Variants in FCF1 observed in about 807,000 individuals in gnomAD.
The protein encoded by FCF1 is rRNA-processing protein FCF1 homolog.
A neutral mutation model predicts 32.5 loss-of-function variants in FCF1; 17 were observed. The observed-to-expected ratio is 0.52, with a 90% CI of 0.36 to 0.78. FCF1 has a LOEUF of 0.78. Ranked by LOEUF, FCF1 falls within the 30% of genes least tolerant of loss-of-function variation. The probability of loss-of-function intolerance (pLI) is 0.00; values close to 1 mark genes in which losing one functional copy is unlikely to be tolerated. For synonymous variants in FCF1, 84 were observed against 78.4 expected (o/e 1.07, Z -0.38); for missense variants, 201 against 241.1 (o/e 0.83, Z 1.10).
At chr14:74,725,222 G>A (rs2090560057) in intron 5 of FCF1, among the ~76,000 whole-genome samples, 1 of 152,022 alleles carries the variant, frequency 6.6e-6, no homozygotes, top group Non-Finnish European at 1.5e-5. Context: ...CAGGCATGGT[G>A]GCTCATGCCT....
At position 74,736,734 on chromosome 14, in the gene FCF1, C is replaced by T. The variant is rs1219885779; in HGVS notation, c.*1804C>T. 6.6e-6 allele frequency: 1 copy of T among 152,072 alleles called. No individual in the cohort carries two copies. Among genetic ancestry groups the T allele is most frequent in the African/African-American group, 2.4e-5 (1 of 41,392 alleles). The allele number at this position is 152,072 out of a possible 1,614,324, so 9.4% of individuals were successfully genotyped here. A position where few individuals can be genotyped will look rare whatever the true frequency, so the allele number is the denominator to read the frequency against. ...TAGAAATCAGATATTCTGATGATTG[C>T]TCACATAATTTGGCGGTCATTGTTT... On this transcript the variant is annotated 3_prime_UTR_variant, in exon 8 of 8. Transcript: ENST00000341162.
chr14:74,733,543 C>A (rs957737534), intron 6 of FCF1, among the ~76,000 whole-genome samples: 1 of 152,148 alleles, frequency 6.6e-6, no homozygotes, highest in South Asian at 2.1e-4. Context: ...TTTCACCTGA[C>A]AGCTAAATAT....
intron 4 of FCF1, among the ~76,000 whole-genome samples, chr14:74,721,491 A>T (rs1264735217): frequency 4.6e-5 from 7 of 152,206 alleles, no homozygotes; most frequent in African/African-American, 1.7e-4. Context: ...GCTTCAGGTC[A>T]GGAGTTCGAA....
At chr14:74,726,763 C>CA (rs1472885861) in intron 5 of FCF1, among the ~76,000 whole-genome samples, 4 of 151,920 alleles carry the variant, frequency 2.6e-5, no homozygotes, top group African/African-American at 9.7e-5. Flanking sequence ...CTCCTCCCCC[C>CA]ACCCCACAAC....
chr14:74,717,098 G>A (rs903481482), intron 4 of FCF1, among the ~76,000 whole-genome samples: 3 of 152,254 alleles, frequency 2.0e-5, no homozygotes, highest in South Asian at 4.1e-4. Flanking sequence ...GGTGGCTCAC[G>A]CCTGTAATGC....
At position 74,716,085 on chromosome 14, in the gene FCF1, G is replaced by C; in HGVS notation, c.278G>C (p.Cys93Ser). 6.2e-7 allele frequency: 1 copy of C among 1,613,810 alleles called. No homozygotes were observed. The highest frequency in any genetic ancestry group is 8.5e-7 in the Non-Finnish European group (1 of 1,179,772). ...GACTTAGTGCAGTCAATGATGGACT[G>C]TCTGTATGCCAAGTGTGAGTATCAT... ...KLDLVQSMMDCLYAKCIPCIT... is the reference protein window; with the variant it reads ...KLDLVQSMMDSLYAKCIPCIT... Residue 93 changes from cysteine (C) to serine (S), a missense_variant, in exon 4 of 8, where the codon TGT becomes TCT. Transcript: ENST00000341162.
intron 4 of FCF1, among the ~76,000 whole-genome samples, chr14:74,721,614 T>C (rs1469771016): frequency 6.6e-6 from 1 of 151,962 alleles, no homozygotes; most frequent in African/African-American, 2.4e-5. Context: ...GGCAGGAGAA[T>C]CGCTTGAACC....
chr14:74,716,195 G>T, intron 4 of FCF1, 96 bp downstream of exon 4: 1 of 1,193,364 alleles, frequency 8.4e-7, no homozygotes, highest in South Asian at 1.4e-5. Flanking sequence ...CTTGTTAACT[G>T]AATTGCTGGC....
At chr14:74,713,301 A>G (rs540790044) in intron 1 of FCF1, 101 bp downstream of exon 1, 1 of 1,612,236 alleles carries the variant, frequency 6.2e-7, no homozygotes, top group Non-Finnish European at 8.5e-7. Flanking sequence ...TTATCCTAGC[A>G]TATTTTCATT....
chr14:74,727,103 GT>G (rs2090586587), intron 5 of FCF1, among the ~76,000 whole-genome samples: 1 of 152,098 alleles, frequency 6.6e-6, no homozygotes, highest in African/African-American at 2.4e-5. Context: ...ATGATTTATA[GT>G]CCTTTGGGTA....
intron 2 of FCF1, among the ~76,000 whole-genome samples, chr14:74,714,534 A>G (rs1449454369): frequency 1.3e-5 from 2 of 152,236 alleles, no homozygotes; most frequent in African/African-American, 4.8e-5. Flanking sequence ...TCAGAAGATA[A>G]CTGTCACCCT....
chr14:74,732,964 A>C (rs2090657975), intron 6 of FCF1, 146 bp downstream of exon 6: 1 of 567,546 alleles, frequency 1.8e-6, no homozygotes, highest in African/African-American at 1.9e-5. Context: ...CCTTCATAAG[A>C]AGCATAGGTG....
At chr14:74,716,223 T>G in intron 4 of FCF1, 124 bp downstream of exon 4, 3 of 925,668 alleles carry the variant, frequency 3.2e-6, no homozygotes, top group Non-Finnish European at 5.1e-6. Context: ...TTTACAGTGG[T>G]CACCATAGCA....
intron 5 of FCF1, among the ~76,000 whole-genome samples, chr14:74,732,154 T>TTATATATA (rs57872736): frequency 2.0e-5 from 3 of 149,958 alleles, no homozygotes; most frequent in African/African-American, 4.9e-5. Context: ...TTAAATCATA[T>TTATATATA]TATATATATA....
chr14:74,728,404 TTGTC>T (rs1566720395), intron 5 of FCF1, among the ~76,000 whole-genome samples: 3 of 151,990 alleles, frequency 2.0e-5, no homozygotes, highest in Non-Finnish European at 2.9e-5. Context: ...GGCTCTCTGT[TTGTC>T]TGTTGTTGGT....
In FCF1 at chr14:74,717,960, C is replaced by T. The variant is rs370552963; in HGVS notation, c.292+1861C>T. Reference sequence around the variant, plus strand: ...CGTGATCTCAGCTCACTGCGACCTCCGCCTCCCAGGTTCAAGCAGTTCTTC... The same window carrying T: ...CGTGATCTCAGCTCACTGCGACCTCTGCCTCCCAGGTTCAAGCAGTTCTTC... On this transcript the variant is annotated intron_variant, in intron 4 of 7. Transcript: ENST00000341162. Among the ~76,000 whole-genome samples the T allele has an allele frequency of 1.8e-3, 278 of 152,198 alleles. 4 individuals are homozygous for T. The Middle Eastern group carries it at 0.037, about 20-fold the overall frequency.
At chr14:74,730,196 T>C (rs537174996) in intron 5 of FCF1, among the ~76,000 whole-genome samples, 16 of 150,502 alleles carry the variant, frequency 1.1e-4, no homozygotes, top group African/African-American at 3.7e-4. Flanking sequence ...TTTATAGATA[T>C]GTGTATATGC....
At chr14:74,713,332 T>C in intron 1 of FCF1, 132 bp downstream of exon 1, 2 of 1,592,936 alleles carry the variant, frequency 1.3e-6, no homozygotes, top group Non-Finnish European at 1.7e-6. Flanking sequence ...CTCTTAAACT[T>C]CTCCAAGCGG....
At position 74,729,698 on chromosome 14, in the gene FCF1, G is replaced by C. The variant is rs573737465; in HGVS notation, c.366-3033G>C. Among the ~76,000 whole-genome samples, 4 of 152,146 alleles carry C rather than the reference G, an allele frequency of 2.6e-5. No homozygotes were observed. The East Asian group carries it at 7.7e-4, about 29-fold the overall frequency. On this transcript the variant is annotated intron_variant, in intron 5 of 7. Transcript: ENST00000341162. ...TAGTTCTTTTAATTGTGATGTTAGG[G>C]TGTCAATTTTCGATCTTTCCTGCTT...
Sources: gnomAD v4.1 joint callset for allele counts (sites outside exome capture counted in the v4.1 genomes callset) on GRCh38, gnomAD v4.1.1 for gene constraint, MANE v1.5 for transcripts, NCBI Gene and HGNC (gene_info 2026-07-23, HGNC 2026-07-21) for gene names.